The following CPZ variants were observed in gnomAD, a reference collection of about 807,000 sequenced individuals.
CPZ encodes carboxypeptidase Z.
CPZ carries 103 observed loss-of-function variants against 61.8 expected under a neutral mutation model. That is an observed-to-expected ratio of 1.67 (90% CI 1.42 to 1.96). CPZ has a LOEUF of 1.96. Ranked by LOEUF, CPZ falls within the 30% of genes most tolerant of loss-of-function variation. The pLI, the probability that CPZ is intolerant of heterozygous loss-of-function variation, is 0.00. For missense variants in CPZ, 1,461 were observed against 914.9 expected (o/e 1.60, Z -7.70); for synonymous variants, 551 against 373.7 (o/e 1.47, Z -5.47).
At chr4:8,607,882 C>T (rs918661849) in intron 7 of CPZ, among the ~76,000 whole-genome samples, 2 of 152,152 alleles carry the variant, frequency 1.3e-5, no homozygotes, top group African/African-American at 2.4e-5. Flanking sequence ...TGGGCTCCTC[C>T]GGATGGGGAA....
intron 7 of CPZ, among the ~76,000 whole-genome samples, chr4:8,610,661 G>C (rs937206757): frequency 2.0e-5 from 3 of 152,198 alleles, no homozygotes; most frequent in Non-Finnish European, 2.9e-5. Flanking sequence ...ATTCATTCTT[G>C]ATGGGAAAGT....
Position 8,607,424 on chromosome 4 carries a change from A to C in CPZ, c.1226A>C (p.Lys409Thr), listed in dbSNP as rs1323235754. ...EKMFSPTPDE[K>T]MFKLLSRAYA... ...ATGTTTTCTCCCACGCCCGACGAGAAGGTGAGAGGGCTGTCGGGTGTGTGC... is the reference window on the plus strand; with the variant it reads ...ATGTTTTCTCCCACGCCCGACGAGACGGTGAGAGGGCTGTCGGGTGTGTGC... The change falls in exon 7 of 11, where the codon AAG (lysine) becomes ACG (threonine). Residue 409 changes from lysine to threonine, a missense_variant and splice_region_variant. By Grantham distance (78) the Lys-to-Thr change is moderately conservative. Coordinates refer to ENST00000360986, the MANE Select transcript of CPZ (RefSeq NM_001014447.3). 1 of 1,613,826 alleles carries C rather than the reference A, an allele frequency of 6.2e-7. No homozygotes were observed. Among genetic ancestry groups the C allele is most frequent in the Admixed American group, 1.7e-5 (1 of 59,994 alleles).
rs773031695 is a variant in CPZ at position 8,606,210 on chromosome 4, T to G, written c.906+25T>G. 12 of 1,601,078 alleles carry G rather than the reference T, an allele frequency of 7.5e-6. No homozygotes were observed. The African/African-American group carries it at 1.5e-4, about 20-fold the overall frequency. ...GGTGAGCGCCCAGATGCCTGGATCC[T>G]GTGGGCCACCGCCCGAACCACCCCC... On this transcript the variant is annotated intron_variant, in intron 5 of 10. Coordinates refer to ENST00000360986, the MANE Select transcript of CPZ (RefSeq NM_001014447.3).
intron 7 of CPZ, among the ~76,000 whole-genome samples, chr4:8,608,641 C>CGTGTGTGTATGCCT (rs57341669): frequency 5.3e-5 from 8 of 151,418 alleles, no homozygotes; most frequent in Non-Finnish European, 8.8e-5. Context: ...TGTGAGTGCA[C>CGTGTGTGTATGCCT]GTGTGTGCGT....
chr4:8,600,424 G>C (rs561358788), intron 2 of CPZ, among the ~76,000 whole-genome samples: 4 of 152,330 alleles, frequency 2.6e-5, no homozygotes, highest in African/African-American at 7.2e-5. Context: ...AAGGCCATCT[G>C]GGGGTGCGAG....
intron 4 of CPZ, among the ~76,000 whole-genome samples, chr4:8,605,186 C>T (rs1435076624): frequency 2.0e-5 from 3 of 152,234 alleles, no homozygotes; most frequent in Non-Finnish European, 4.4e-5. Flanking sequence ...GGGCCACACA[C>T]AGCTGGGGAG....
At chr4:8,600,697 C>A (rs1577109991) in intron 2 of CPZ, among the ~76,000 whole-genome samples, 1 of 152,214 alleles carries the variant, frequency 6.6e-6, no homozygotes, top group African/African-American at 2.4e-5. Flanking sequence ...CCCAACTGAC[C>A]CATTAGGGTC....
intron 8 of CPZ, among the ~76,000 whole-genome samples, chr4:8,613,298 A>G (rs1006548578): frequency 6.6e-6 from 1 of 151,984 alleles, no homozygotes; most frequent in Non-Finnish European, 1.5e-5. Flanking sequence ...CACCCAGCTA[A>G]TTTTTGTATT....
At chr4:8,617,539 C>T (rs1212339299) in intron 9 of CPZ, among the ~76,000 whole-genome samples, 2 of 152,228 alleles carry the variant, frequency 1.3e-5, no homozygotes, top group South Asian at 2.1e-4. Context: ...TCTCTCCAAC[C>T]TAAAATGTTT....
chr4:8,608,175 G>C (rs1052742631), intron 7 of CPZ, among the ~76,000 whole-genome samples: 15 of 141,420 alleles, frequency 1.1e-4, no homozygotes, highest in Non-Finnish European at 2.2e-4. Context: ...GGATCCTGGA[G>C]CTTAGCTGCC....
rs750620604 is a variant in CPZ, at chr4:8,607,358, C to CGTAG, written c.1160_1161insGTAG (p.Tyr388Ter). 3.1e-6 allele frequency: 5 copies of CGTAG among 1,614,090 alleles called. No homozygotes were observed. In the East Asian group the frequency reaches 1.1e-4, roughly 36 times the overall value. The stretch of plus-strand genomic sequence containing the variant: ...CTTCATGGGGGCGACCTGGTGGTGT[C>CGTAG]CTACCCCTTCGACTTCTCCAAGCAC... On this transcript the variant is annotated stop_gained and frameshift_variant, in exon 7 of 11. Transcript: ENST00000360986. LOFTEE classifies it high-confidence loss of function.
At chr4:8,602,806 CTA>C (rs1340357901) in intron 3 of CPZ, 1 of 152,362 alleles carries the variant, frequency 6.6e-6, no homozygotes, top group Non-Finnish European at 1.5e-5. Context: ...GGGTTCCGGG[CTA>C]TGTCAGGTGC....
In CPZ at chr4:8,592,899, C is replaced by T. The variant is rs964255904; in HGVS notation, c.66C>T (p.Cys22=). Residue 22 remains cysteine (C), a synonymous_variant, in exon 1 of 11, where the codon TGC becomes TGT. Coordinates refer to ENST00000360986, the MANE Select transcript of CPZ (RefSeq NM_001014447.3). ...VLVVAAARPG[C]EFERNPAGEC... is the part of the protein sequence containing the mutation. ...TCGTCGCCGCTGCCCGGCCGGGGTG[C>T]GAGTTTGAGCGGAACCCCGCCGGTA... 2.0e-6 allele frequency: 3 copies of T among 1,534,654 alleles called. No individual in the cohort carries two copies. The highest frequency in any genetic ancestry group is 2.4e-5 in the South Asian group (2 of 83,582).
intron 9 of CPZ, among the ~76,000 whole-genome samples, chr4:8,617,172 C>T (rs151275656): frequency 9.8e-4 from 149 of 152,296 alleles, no homozygotes; most frequent in African/African-American, 1.9e-3. Flanking sequence ...TCGGTCACGG[C>T]GGGGGTCAGC....
At chr4:8,598,765 G>T (rs1714364015) in intron 1 of CPZ, among the ~76,000 whole-genome samples, 1 of 152,284 alleles carries the variant, frequency 6.6e-6, no homozygotes, top group Non-Finnish European at 1.5e-5. Flanking sequence ...CTTAGGGTTG[G>T]CTGTGTTTGG....
At position 8,600,384 on chromosome 4, in the gene CPZ, T is replaced by C. The variant is rs1166556552; in HGVS notation, c.122-739T>C. 2.6e-5 allele frequency among the ~76,000 whole-genome samples: 4 copies of C among 152,120 alleles called. No homozygotes were observed. In the East Asian group the frequency reaches 7.7e-4, roughly 29 times the overall value. Reference sequence around the variant, plus strand: ...ATGACTTGTCCTATGCGATGCCACATCGGGAAAGTCCAGCTGAGGAAAAGA... The same window carrying C: ...ATGACTTGTCCTATGCGATGCCACACCGGGAAAGTCCAGCTGAGGAAAAGA... On this transcript the variant is annotated intron_variant, in intron 2 of 10. Coordinates refer to ENST00000360986, the MANE Select transcript of CPZ (RefSeq NM_001014447.3).
In CPZ at chr4:8,604,001, GC is replaced by G. The variant is rs772118916; in HGVS notation, c.525del (p.Ser176GlnfsTer22). The G allele has an allele frequency of 1.9e-6, 3 of 1,612,102 alleles. No homozygotes were observed. The highest frequency in any genetic ancestry group is 2.5e-6 in the Non-Finnish European group (3 of 1,179,806). ...RGGLEADEAL[P>X]SGLPPTFIRF... Reference sequence around the variant, plus strand: ...GAGGCCTGGAGGCTGACGAGGCACTGCCCTCAGGGCTGCCGCCCACCTTCAT... The same window carrying G: ...GAGGCCTGGAGGCTGACGAGGCACTGCCTCAGGGCTGCCGCCCACCTTCAT... On this transcript the variant is annotated frameshift_variant, in exon 4 of 11. Transcript: ENST00000360986. LOFTEE classifies it high-confidence loss of function.
chr4:8,611,827 G>A (rs753386641), intron 7 of CPZ, among the ~76,000 whole-genome samples, 200 bp from the exon 8 acceptor site: 18 of 152,030 alleles, frequency 1.2e-4, no homozygotes, highest in Non-Finnish European at 2.2e-4. Context: ...GTGCCAGACC[G>A]CCTGTGACCC....
intron 1 of CPZ, among the ~76,000 whole-genome samples, chr4:8,598,001 G>A (rs553576660): frequency 1.6e-4 from 25 of 152,170 alleles, no homozygotes; most frequent in Non-Finnish European, 3.1e-4. Context: ...CATAGTCCAT[G>A]TTCCCTGCCA....
Sources: allele counts gnomAD v4.1 joint callset (sites outside exome capture counted in the v4.1 genomes callset), GRCh38; gene constraint gnomAD v4.1.1; transcripts MANE v1.5; gene names NCBI Gene and HGNC (gene_info 2026-07-23, HGNC 2026-07-21).